CDC73: variants seen among roughly 807,000 people sequenced by gnomAD.
The protein encoded by CDC73 is parafibromin.
CDC73 carries 21 observed loss-of-function variants against 83.7 expected under a neutral mutation model. The observed-to-expected ratio is 0.25, with a 90% CI of 0.18 to 0.36. The LOEUF (loss-of-function observed/expected upper bound fraction) is 0.36. Among genes scored for constraint, CDC73 ranks in the 10% least tolerant of loss-of-function variants. CDC73 has a pLI of 1.00. For missense variants in CDC73, 342 were observed against 653.3 expected, an observed-to-expected ratio of 0.52 and a Z score of 5.19; for synonymous variants, 224 against 212.9, an observed-to-expected ratio of 1.05 and a Z score of -0.45.
chr1:193,139,983 TCTG>T (rs1331499104), intron 6 of CDC73, among the ~76,000 whole-genome samples: 1 of 152,224 alleles, frequency 6.6e-6, no homozygotes, highest in Non-Finnish European at 1.5e-5. Flanking sequence ...TAGTCAGAAT[TCTG>T]CTGGGGTACG....
chr1:193,146,461 A>T (rs537015985), intron 7 of CDC73, among the ~76,000 whole-genome samples: 4 of 151,080 alleles, frequency 2.6e-5, no homozygotes, highest in African/African-American at 7.3e-5. Context: ...GGGTCATTTC[A>T]TGGCAGAAGG....
chr1:193,135,870 T>TC (rs200669594), intron 5 of CDC73, among the ~76,000 whole-genome samples: 39 of 144,988 alleles, frequency 2.7e-4, no homozygotes, highest in African/African-American at 7.0e-4. Flanking sequence ...TTTCTGTTCT[T>TC]TTTTTTTTTT....
chr1:193,216,924 C>A (rs1400964745), intron 13 of CDC73, among the ~76,000 whole-genome samples: 3 of 152,112 alleles, frequency 2.0e-5, no homozygotes, highest in Admixed American at 2.0e-4. Flanking sequence ...AACTACCCAT[C>A]AAAGGAACAT....
intron 7 of CDC73, among the ~76,000 whole-genome samples, chr1:193,144,111 C>CTAAAAAAAA (rs1675952953): frequency 7.5e-5 from 1 of 13,266 alleles, no homozygotes; most frequent in East Asian, 8.0e-4. Context: ...CTCTGTCTCA[C>CTAAAAAAAA]CAAAAAAAAA....
intron 10 of CDC73, among the ~76,000 whole-genome samples, chr1:193,176,798 A>T (rs764257103): frequency 6.6e-6 from 1 of 152,222 alleles, no homozygotes. Flanking sequence ...GTGACCAAAC[A>T]GTAGGATGGG....
chr1:193,231,516 C>T (rs1242637479), intron 13 of CDC73, among the ~76,000 whole-genome samples: 1 of 152,092 alleles, frequency 6.6e-6, no homozygotes, highest in African/African-American at 2.4e-5. Flanking sequence ...ATTAAATTTT[C>T]TAAATAATGT....
intron 10 of CDC73, among the ~76,000 whole-genome samples, chr1:193,173,700 G>A (rs6675833): frequency 0.72 from 110,126 of 151,976 alleles, 40,166 homozygotes; most frequent in South Asian, 0.82. Flanking sequence ...TGGAAATCCT[G>A]TGAATCCTCT....
chr1:193,232,580 A>G (rs1677679371), intron 13 of CDC73, among the ~76,000 whole-genome samples: 1 of 152,314 alleles, frequency 6.6e-6, no homozygotes. Flanking sequence ...AAAAACAAAC[A>G]TCTTTAGTTT....
At chr1:193,137,368 T>G (rs920863146) in intron 5 of CDC73, among the ~76,000 whole-genome samples, 8 of 152,368 alleles carry the variant, frequency 5.3e-5, no homozygotes, top group African/African-American at 1.9e-4. Flanking sequence ...TATACAGTTT[T>G]GTATTTCATT....
intron 13 of CDC73, among the ~76,000 whole-genome samples, chr1:193,214,989 T>C (rs1179852169): frequency 6.6e-6 from 1 of 152,206 alleles, no homozygotes; most frequent in African/African-American, 2.4e-5. Context: ...CCCAACCTTC[T>C]AGGAGCTCAC....
chr1:193,195,459 TG>T (rs1290034273), intron 10 of CDC73, among the ~76,000 whole-genome samples: 4 of 152,166 alleles, frequency 2.6e-5, no homozygotes, highest in African/African-American at 9.6e-5. Flanking sequence ...GCTATGAACT[TG>T]GGTGTAAAAA....
At position 193,209,743 on chromosome 1, in the gene CDC73, G is replaced by A. The variant is rs143546252; in HGVS notation, c.1031-2322G>A. ...TTATTTTGCCTTTTTCTTATATTGG[G>A]TCTTCTCAGCCTTGAGTTTAGTAAA... On this transcript the variant is annotated intron_variant, in intron 11 of 16. Coordinates refer to ENST00000367435, the MANE Select transcript of CDC73 (RefSeq NM_024529.5). Among the ~76,000 whole-genome samples, 319 of 151,836 alleles carry A rather than the reference G, an allele frequency of 2.1e-3. 1 individual carries two copies. Among genetic ancestry groups the A allele is most frequent in the African/African-American group, 7.4e-3 (307 of 41,384 alleles).
chr1:193,177,306 A>G (rs1261360613), intron 10 of CDC73, among the ~76,000 whole-genome samples: 1 of 140,964 alleles, frequency 7.1e-6, no homozygotes, highest in Non-Finnish European at 1.5e-5. Context: ...CGAGGTCAGG[A>G]GATCGAGACC....
intron 13 of CDC73, among the ~76,000 whole-genome samples, chr1:193,224,441 A>C (rs755521851): frequency 8.5e-4 from 130 of 152,154 alleles, no homozygotes; most frequent in Non-Finnish European, 7.7e-4. Flanking sequence ...TACACATATG[A>C]AATATGCATT....
intron 13 of CDC73, among the ~76,000 whole-genome samples, chr1:193,220,157 CTTTTTTTT>C (rs776793164): frequency 9.2e-6 from 1 of 108,776 alleles, no homozygotes. Context: ...ACAATGATAA[CTTTTTTTT>C]TTTTTTTTTT....
Position 193,176,281 on chromosome 1 carries a change from A to T in CDC73, c.972+23837A>T, listed in dbSNP as rs1356885112. On this transcript the variant is annotated intron_variant, in intron 10 of 16. Coordinates refer to ENST00000367435, the MANE Select transcript of CDC73 (RefSeq NM_024529.5). ...ACCGTTTCCCTGATCTTTTCCCAGTAATAAGGCATTTATTGCAACATAGCA... is the reference window on the plus strand; with the variant it reads ...ACCGTTTCCCTGATCTTTTCCCAGTTATAAGGCATTTATTGCAACATAGCA... Among the ~76,000 whole-genome samples the T allele has an allele frequency of 2.0e-5, 3 of 152,176 alleles. No individual in the cohort carries two copies. In the East Asian group the frequency reaches 5.8e-4, roughly 29 times the overall value.
intron 6 of CDC73, among the ~76,000 whole-genome samples, chr1:193,141,416 A>G (rs1675903615): frequency 6.6e-6 from 1 of 152,228 alleles, no homozygotes; most frequent in South Asian, 2.1e-4. Flanking sequence ...ACTATGGCAT[A>G]CAAGTTTGAA....
At chr1:193,221,137 G>A (rs909497848) in intron 13 of CDC73, among the ~76,000 whole-genome samples, 4 of 152,028 alleles carry the variant, frequency 2.6e-5, no homozygotes, top group African/African-American at 9.7e-5. Context: ...CAAATAATGA[G>A]TACTAAGTAA....
At chr1:193,185,678 G>T (rs909407740) in intron 10 of CDC73, among the ~76,000 whole-genome samples, 1 of 151,848 alleles carries the variant, frequency 6.6e-6, no homozygotes, top group African/African-American at 2.4e-5. Context: ...GATTCAGTTT[G>T]ACCTAATTTG....
Sources: gnomAD v4.1 joint callset for allele counts (sites outside exome capture counted in the v4.1 genomes callset) on GRCh38, gnomAD v4.1.1 for gene constraint, MANE v1.5 for transcripts, NCBI Gene and HGNC (gene_info 2026-07-23, HGNC 2026-07-21) for gene names.